The following IGF1R variants were observed in gnomAD, a reference collection of about 807,000 sequenced individuals.
IGF1R encodes insulin-like growth factor 1 receptor.
In IGF1R, 44 loss-of-function variants were observed where a neutral mutation model predicts 144.6. The observed-to-expected ratio is 0.30, with a 90% confidence interval of 0.24 to 0.39. IGF1R has a LOEUF of 0.39. Ranked by LOEUF, IGF1R falls within the 10% of genes least tolerant of loss-of-function variation. The pLI is 1.00. For synonymous variants in IGF1R, 795 were observed against 722.8 expected (o/e 1.10, Z -1.60); for missense variants, 1,355 against 1,833.7 (o/e 0.74, Z 4.77).
chr15:98,877,109 T>C (rs1596385563), intron 2 of IGF1R, among the ~76,000 whole-genome samples: 1 of 152,208 alleles, frequency 6.6e-6, no homozygotes, highest in African/African-American at 2.4e-5. Context: ...AGGTTACTGA[T>C]CTGTAGCTGT....
rs1371354059 is a variant in IGF1R at position 98,649,234 on chromosome 15, C to T, written c.-348C>T. 15 of 218,432 alleles carry T rather than the reference C, an allele frequency of 6.9e-5. No individual in the cohort carries two copies. The highest frequency in any genetic ancestry group is 1.2e-4 in the Non-Finnish European group (13 of 108,938). The allele number at this position is 218,432 out of a possible 1,614,324, so 13.5% of individuals were successfully genotyped here. A position where few individuals can be genotyped will look rare whatever the true frequency, so the allele number is the denominator to read the frequency against. On this transcript the variant is annotated 5_prime_UTR_variant, in exon 1 of 21. Coordinates refer to ENST00000650285, the MANE Select transcript of IGF1R (RefSeq NM_000875.5). ...CTCGCCTAGGCAGATTTGGGCTTTG[C>T]CCCCTTTCTTTGCAGTTTTCCCCCC...
intron 2 of IGF1R, among the ~76,000 whole-genome samples, chr15:98,842,725 T>G (rs2141534776): frequency 6.6e-6 from 1 of 152,362 alleles, no homozygotes; most frequent in South Asian, 2.1e-4. Flanking sequence ...TGTGTAATGC[T>G]TTAAAGAACA....
At chr15:98,738,684 G>A (rs566713506) in intron 2 of IGF1R, among the ~76,000 whole-genome samples, 2 of 152,094 alleles carry the variant, frequency 1.3e-5, no homozygotes, top group Non-Finnish European at 2.9e-5. Context: ...CTCTATTAAG[G>A]TTATAAAAGA....
At position 98,649,480 on chromosome 15, in the gene IGF1R, A is replaced by T. The variant is rs2052286145; in HGVS notation, c.-102A>T. On this transcript the variant is annotated 5_prime_UTR_variant, in exon 1 of 21. Transcript: ENST00000650285. ...GTTTTTGGAGGGGGAGCGAAGACTG[A>T]GTTTGAGACTTGTTTCCTTTCATTT... 7 of 808,980 alleles carry T rather than the reference A, an allele frequency of 8.7e-6. No homozygotes were observed. The highest frequency in any genetic ancestry group is 1.8e-5 in the African/African-American group (1 of 54,538). The allele number at this position is 808,980 out of a possible 1,614,324, so 50.1% of individuals were successfully genotyped here. A position where few individuals can be genotyped will look rare whatever the true frequency, so the allele number is the denominator to read the frequency against.
chr15:98,690,331 A>G (rs1346738646), intron 1 of IGF1R, among the ~76,000 whole-genome samples: 1 of 130,436 alleles, frequency 7.7e-6, no homozygotes, highest in Non-Finnish European at 1.6e-5. Context: ...TGACAGAGCA[A>G]GACTATCCCA....
rs761063787 is a variant in IGF1R, at chr15:98,929,602, G to T, written c.2827G>T (p.Ala943Ser). ...CCATCTGATCATCGCTCTGCCCGTC[G>T]CTGTCCTGTTGATCGTGGGAGGGTT... is the stretch of plus-strand genomic sequence containing the variant. ...FIHLIIALPV[A>S]VLLIVGGLVI... The change falls in exon 14 of 21, where the codon GCT becomes TCT. Residue 943 changes from alanine (A) to serine (S), a missense_variant. Ala to Ser is a moderately conservative substitution (Grantham distance 99, BLOSUM62 1). Coordinates refer to ENST00000650285, the MANE Select transcript of IGF1R (RefSeq NM_000875.5). 2 of 1,614,098 alleles carry T rather than the reference G, an allele frequency of 1.2e-6. No individual in the cohort carries two copies. The highest frequency in any genetic ancestry group is 2.2e-5 in the South Asian group (2 of 91,084).
chr15:98,694,151 C>A (rs1485698031), intron 1 of IGF1R, among the ~76,000 whole-genome samples: 1 of 151,944 alleles, frequency 6.6e-6, no homozygotes, highest in Non-Finnish European at 1.5e-5. Context: ...TTTTTTAAAG[C>A]ATAATTGTTC....
At chr15:98,775,578 G>A (rs1308653476) in intron 2 of IGF1R, among the ~76,000 whole-genome samples, 5 of 152,186 alleles carry the variant, frequency 3.3e-5, no homozygotes, top group Admixed American at 6.5e-5. Context: ...CCCACTTGTC[G>A]GGGAAGCAGC....
chr15:98,765,769 T>A (rs1464216156), intron 2 of IGF1R, among the ~76,000 whole-genome samples: 1 of 152,118 alleles, frequency 6.6e-6, no homozygotes, highest in African/African-American at 2.4e-5. Flanking sequence ...TACCCTAGGG[T>A]TGTAGAAATT....
Position 98,895,939 on chromosome 15 carries a change from A to G in IGF1R, c.954-818A>G, listed in dbSNP as rs8037413. ...TGACCCTTGTTCTATATATAACTAT[A>G]GATCCCAAAGGTTCAGCTGCTGGGC... On this transcript the variant is annotated intron_variant, in intron 3 of 20. Coordinates refer to ENST00000650285, the MANE Select transcript of IGF1R (RefSeq NM_000875.5). Among the ~76,000 whole-genome samples the G allele has an allele frequency of 6.6e-3, 1,008 of 152,254 alleles. 10 individuals carry two copies. Among genetic ancestry groups the G allele is most frequent in the African/African-American group, 0.023 (958 of 41,546 alleles).
chr15:98,897,826 T>C (rs1409485172), intron 4 of IGF1R, among the ~76,000 whole-genome samples: 3 of 152,192 alleles, frequency 2.0e-5, no homozygotes, highest in Non-Finnish European at 2.9e-5. Flanking sequence ...CTGGGACCAC[T>C]TGGTCAAGGT....
intron 5 of IGF1R, among the ~76,000 whole-genome samples, chr15:98,906,333 C>A (rs193219619): frequency 6.6e-6 from 1 of 152,188 alleles, no homozygotes; most frequent in Non-Finnish European, 1.5e-5. Flanking sequence ...TGGTCCTTAC[C>A]GGCAGCCCAG....
intron 2 of IGF1R, among the ~76,000 whole-genome samples, chr15:98,711,347 G>A (rs1031410976): frequency 6.6e-6 from 1 of 152,178 alleles, no homozygotes; most frequent in Non-Finnish European, 1.5e-5. Flanking sequence ...GTGTGAAATC[G>A]TTGAGCCTAC....
chr15:98,649,330 C>T lies in IGF1R; in HGVS notation c.-252C>T, dbSNP rs1048628406. The T allele has an allele frequency of 1.2e-4, 25 of 209,458 alleles. No individual in the cohort carries two copies. Among genetic ancestry groups the T allele is most frequent in the Admixed American group, 1.1e-3 (19 of 16,772 alleles). The allele number at this position is 209,458 out of a possible 1,614,324, so 13.0% of individuals were successfully genotyped here. On this transcript the variant is annotated 5_prime_UTR_variant, in exon 1 of 21. Coordinates refer to ENST00000650285, the MANE Select transcript of IGF1R (RefSeq NM_000875.5). ...GCCCGCCCCGGCGCGCCTCGGGTTC[C>T]CGACTCCGCCGAGCCCTGGGCCGCT...
intron 20 of IGF1R, among the ~76,000 whole-genome samples, chr15:98,954,683 A>G (rs1915699): frequency 0.1 from 15,342 of 152,030 alleles, 1,538 homozygotes; most frequent in African/African-American, 0.26. Context: ...AGCACATCTC[A>G]TGCTCTTGGC....
At chr15:98,681,819 C>T (rs1169942417) in intron 1 of IGF1R, among the ~76,000 whole-genome samples, 1 of 152,190 alleles carries the variant, frequency 6.6e-6, no homozygotes, top group Non-Finnish European at 1.5e-5. Context: ...AATTTAGGGT[C>T]TGTCCCTGGT....
intron 2 of IGF1R, among the ~76,000 whole-genome samples, chr15:98,810,296 C>A (rs2056558330): frequency 1.3e-5 from 2 of 152,130 alleles, no homozygotes; most frequent in Non-Finnish European, 2.9e-5. Flanking sequence ...GCCTGTTTGT[C>A]CAGTTACTGT....
At chr15:98,802,491 T>G (rs371652360) in intron 2 of IGF1R, among the ~76,000 whole-genome samples, 3 of 152,270 alleles carry the variant, frequency 2.0e-5, no homozygotes, top group African/African-American at 7.2e-5. Context: ...CTTGGAGGAC[T>G]TAAGGATGGA....
chr15:98,752,495 C>T (rs1416320964), intron 2 of IGF1R, among the ~76,000 whole-genome samples: 6 of 151,958 alleles, frequency 3.9e-5, no homozygotes, highest in African/African-American at 1.2e-4. Flanking sequence ...CATCCTAACG[C>T]GGTGAAACCC....
Sources: gnomAD v4.1 joint callset for allele counts (sites outside exome capture counted in the v4.1 genomes callset) on GRCh38, gnomAD v4.1.1 for gene constraint, MANE v1.5 for transcripts, NCBI Gene and HGNC (gene_info 2026-07-23, HGNC 2026-07-21) for gene names.